GALNTL6: variants seen among roughly 807,000 people sequenced by gnomAD.
GALNTL6 encodes the protein polypeptide N-acetylgalactosaminyltransferase-like 6.
A neutral mutation model predicts 73.7 loss-of-function variants in GALNTL6; 46 were observed. The observed-to-expected ratio is 0.62, with a 90% CI of 0.49 to 0.80. The LOEUF (loss-of-function observed/expected upper bound fraction) is 0.80. Among genes scored for constraint, GALNTL6 ranks in the 30% least tolerant of loss-of-function variants. GALNTL6 has a pLI of 0.00. For synonymous variants in GALNTL6, 259 were observed against 263.7 expected, an observed-to-expected ratio of 0.98 and a Z score of 0.17; for missense variants, 604 against 755.0, an observed-to-expected ratio of 0.80 and a Z score of 2.34.
chr4:171,928,743 A>G (rs915102825), intron 2 of GALNTL6, among the ~76,000 whole-genome samples: 15 of 152,176 alleles, frequency 9.9e-5, no homozygotes, highest in Non-Finnish European at 1.9e-4. Context: ...ACTGTGCTCC[A>G]GTTGCCTACA....
rs200436867 is a variant in GALNTL6, at chr4:172,783,478, TTAA to T, written c.554-25877_554-25875del. 9.9e-3 allele frequency among the ~76,000 whole-genome samples: 1,466 copies of T among 147,482 alleles called. 11 individuals are homozygous for T. The highest frequency in any genetic ancestry group is 0.017 in the Non-Finnish European group (1,131 of 67,180). ...TATAACAATATAATATTATACACTA[TTAA>T]TAATATTATACACTATTAATAATAT... is the stretch of plus-strand genomic sequence containing the variant. On this transcript the variant is annotated intron_variant, in intron 5 of 12. Transcript: ENST00000506823.
chr4:172,715,112 T>C (rs536982820), intron 5 of GALNTL6, among the ~76,000 whole-genome samples: 1 of 152,182 alleles, frequency 6.6e-6, no homozygotes, highest in Non-Finnish European at 1.5e-5. Flanking sequence ...AAAAATGGTG[T>C]ATCTACTACT....
chr4:172,676,261 A>G (rs1251204487), intron 5 of GALNTL6, among the ~76,000 whole-genome samples: 3 of 152,238 alleles, frequency 2.0e-5, no homozygotes, highest in Non-Finnish European at 4.4e-5. Flanking sequence ...AAAGACTACA[A>G]GGGACACGGT....
chr4:172,839,861 G>C (rs572585668), intron 7 of GALNTL6, among the ~76,000 whole-genome samples: 1 of 152,268 alleles, frequency 6.6e-6, no homozygotes, highest in South Asian at 2.1e-4. Flanking sequence ...CCTTTTGAAT[G>C]AAACCTGAAA....
intron 2 of GALNTL6, among the ~76,000 whole-genome samples, chr4:172,115,744 TG>T (rs1475916874): frequency 6.6e-6 from 1 of 152,062 alleles, no homozygotes; most frequent in African/African-American, 2.4e-5. Context: ...ACAGTAAGCC[TG>T]AAGTAAATAT....
At chr4:172,207,419 T>C (rs2110917839) in intron 2 of GALNTL6, among the ~76,000 whole-genome samples, 1 of 152,240 alleles carries the variant, frequency 6.6e-6, no homozygotes, top group South Asian at 2.1e-4. Context: ...GTGGTGCTCT[T>C]TCCTGAGAGA....
intron 2 of GALNTL6, among the ~76,000 whole-genome samples, chr4:172,010,041 G>C: frequency 6.6e-6 from 1 of 152,176 alleles, no homozygotes; most frequent in East Asian, 1.9e-4. Context: ...AGGAGACTCC[G>C]AGGACCAAAT....
chr4:172,748,382 A>G (rs1487317910), intron 5 of GALNTL6, among the ~76,000 whole-genome samples: 1 of 152,192 alleles, frequency 6.6e-6, no homozygotes, highest in African/African-American at 2.4e-5. Context: ...GGAGGAAACA[A>G]GAGTACTTGA....
intron 5 of GALNTL6, among the ~76,000 whole-genome samples, chr4:172,436,311 A>G (rs1391145967): frequency 6.6e-6 from 1 of 152,080 alleles, no homozygotes; most frequent in Admixed American, 6.6e-5. Context: ...TCAAATCTTA[A>G]GCTCATAAGA....
intron 5 of GALNTL6, among the ~76,000 whole-genome samples, chr4:172,783,290 T>C (rs991005760): frequency 6.7e-6 from 1 of 149,788 alleles, no homozygotes; most frequent in African/African-American, 2.4e-5. Flanking sequence ...GAATCAGTTA[T>C]CCTTCAATTG....
chr4:172,177,861 A>ACATATATATG (rs1387400883), intron 2 of GALNTL6, among the ~76,000 whole-genome samples: 2 of 147,902 alleles, frequency 1.4e-5, no homozygotes, highest in Non-Finnish European at 3.0e-5. Context: ...ATATACACAC[A>ACATATATATG]TACTAAGGCA....
chr4:171,905,357 A>G (rs1250848846), intron 2 of GALNTL6, among the ~76,000 whole-genome samples: 3 of 152,164 alleles, frequency 2.0e-5, no homozygotes, highest in Non-Finnish European at 4.4e-5. Context: ...AGTCTCTGAT[A>G]AAACAGACTT....
intron 7 of GALNTL6, among the ~76,000 whole-genome samples, chr4:172,815,508 A>G (rs1449271347): frequency 1.3e-5 from 2 of 152,174 alleles, no homozygotes; most frequent in Admixed American, 1.3e-4. Flanking sequence ...ACTGGTTATA[A>G]TGACCTTTAC....
chr4:172,742,054 A>G (rs1320359211), intron 5 of GALNTL6, among the ~76,000 whole-genome samples: 1 of 152,094 alleles, frequency 6.6e-6, no homozygotes. Context: ...AAATATGACT[A>G]AAACATCTCT....
At chr4:172,089,892 C>T (rs1257983976) in intron 2 of GALNTL6, among the ~76,000 whole-genome samples, 3 of 152,078 alleles carry the variant, frequency 2.0e-5, no homozygotes, top group African/African-American at 4.8e-5. Flanking sequence ...TAATGTTCCC[C>T]GCCCTGTGTC....
intron 7 of GALNTL6, among the ~76,000 whole-genome samples, chr4:172,815,049 T>A (rs1741523118): frequency 6.6e-6 from 1 of 152,160 alleles, no homozygotes; most frequent in Non-Finnish European, 1.5e-5. Flanking sequence ...CTAAGCAAAG[T>A]GTTTCTAATA....
chr4:172,961,701 T>C (rs963509390), intron 10 of GALNTL6, among the ~76,000 whole-genome samples: 2 of 151,406 alleles, frequency 1.3e-5, no homozygotes, highest in African/African-American at 4.8e-5. Flanking sequence ...GAGAAAGAGG[T>C]TGAGGGATAG....
intron 5 of GALNTL6, among the ~76,000 whole-genome samples, chr4:172,357,083 G>GT (rs1561043306): frequency 2.0e-5 from 3 of 152,108 alleles, no homozygotes; most frequent in Non-Finnish European, 4.4e-5. Flanking sequence ...GAATCATAAT[G>GT]ACTTTAGCAC....
At chr4:172,708,853 G>C (rs1455384202) in intron 5 of GALNTL6, among the ~76,000 whole-genome samples, 1 of 152,112 alleles carries the variant, frequency 6.6e-6, no homozygotes. Flanking sequence ...TTCCAATTCA[G>C]ATCTCTTTCA....
Sources: gnomAD v4.1 joint callset for allele counts (sites outside exome capture counted in the v4.1 genomes callset) on GRCh38, gnomAD v4.1.1 for gene constraint, MANE v1.5 for transcripts, NCBI Gene and HGNC (gene_info 2026-07-23, HGNC 2026-07-21) for gene names.